Variants in PARD6G observed in about 807,000 individuals in gnomAD.
The protein encoded by PARD6G is partitioning defective 6 homolog gamma.
In PARD6G, 7 loss-of-function variants were observed where a neutral mutation model predicts 10.7. The observed-to-expected ratio is 0.66, with a 90% CI of 0.37 to 1.23. PARD6G has a LOEUF of 1.23. Among genes scored for constraint, PARD6G ranks in the 50% most tolerant of loss-of-function variants. PARD6G has a pLI of 0.02. For missense variants in PARD6G, 548 were observed against 571.8 expected (o/e 0.96, Z 0.42); for synonymous variants, 287 against 269.4 (o/e 1.07, Z -0.64).
At chr18:80,172,584 C>T (rs1311128228) in intron 2 of PARD6G, among the ~76,000 whole-genome samples, 1 of 152,116 alleles carries the variant, frequency 6.6e-6, no homozygotes, top group African/African-American at 2.4e-5. Context: ...ACGGTTTTGC[C>T]AGGTTGGCCA....
intron 2 of PARD6G, among the ~76,000 whole-genome samples, chr18:80,174,076 G>GTGA (rs1251645807): frequency 6.6e-6 from 1 of 152,178 alleles, no homozygotes; most frequent in Non-Finnish European, 1.5e-5. Flanking sequence ...TCTATAAAAT[G>GTGA]GGATGTACCA....
chr18:80,244,193 C>T (rs1967518704), intron 1 of PARD6G, among the ~76,000 whole-genome samples: 1 of 152,158 alleles, frequency 6.6e-6, no homozygotes, highest in Non-Finnish European at 1.5e-5. Flanking sequence ...TAACCCTCTG[C>T]GTAGCTCCTC....
chr18:80,170,517 C>T (rs926037884), intron 2 of PARD6G: 5 of 152,288 alleles, frequency 3.3e-5, no homozygotes, highest in African/African-American at 1.2e-4. Context: ...TTGGAGGCGA[C>T]CAGCACATTC....
intron 2 of PARD6G, among the ~76,000 whole-genome samples, chr18:80,168,616 T>C (rs1423209663): frequency 6.6e-6 from 1 of 151,654 alleles, no homozygotes; most frequent in East Asian, 1.9e-4. Flanking sequence ...TGTATGTATA[T>C]GTATAAACTT....
At chr18:80,162,918 C>G (rs1203622919) in intron 2 of PARD6G, among the ~76,000 whole-genome samples, 1 of 152,156 alleles carries the variant, frequency 6.6e-6, no homozygotes, top group African/African-American at 2.4e-5. Context: ...GGGCCTGGGA[C>G]AGAGTGGGCT....
At position 80,168,537 on chromosome 18, in the gene PARD6G, C is replaced by T. The variant is rs573088545; in HGVS notation, c.296-7931G>A. 1.2e-4 allele frequency among the ~76,000 whole-genome samples: 18 copies of T among 152,090 alleles called. No homozygotes were observed. The South Asian group carries it at 1.2e-3, about 11-fold the overall frequency. Reference sequence around the variant, plus strand: ...TTTTTTAGGCAACTGTCTAACCACCCTCTCTCCCCATATCCTGTTTTCAGT... The same window carrying T: ...TTTTTTAGGCAACTGTCTAACCACCTTCTCTCCCCATATCCTGTTTTCAGT... On this transcript the variant is annotated intron_variant, in intron 2 of 2. Coordinates refer to ENST00000353265, the MANE Select transcript of PARD6G (RefSeq NM_032510.4).
At chr18:80,238,593 G>T (rs1297184936) in intron 1 of PARD6G, among the ~76,000 whole-genome samples, 1 of 152,006 alleles carries the variant, frequency 6.6e-6, no homozygotes. Context: ...TTACCTCGGG[G>T]GTAGGTACTC....
chr18:80,165,409 C>T (rs1404788596), intron 2 of PARD6G, among the ~76,000 whole-genome samples: 6 of 152,196 alleles, frequency 3.9e-5, no homozygotes, highest in African/African-American at 1.4e-4. Context: ...CCCTTGTTCC[C>T]TAAAAATCAC....
intron 1 of PARD6G, 142 bp from the exon 2 acceptor site, chr18:80,203,074 A>G (rs1967024303): frequency 3.3e-6 from 2 of 603,384 alleles, no homozygotes; most frequent in Admixed American, 2.7e-5. Flanking sequence ...TGATAGACAC[A>G]TAAGTTGATT....
chr18:80,207,905 G>A (rs1014356367), intron 1 of PARD6G, among the ~76,000 whole-genome samples: 4 of 152,138 alleles, frequency 2.6e-5, no homozygotes, highest in African/African-American at 4.8e-5. Flanking sequence ...GTAATGGGAA[G>A]AAGAAATCAA....
At chr18:80,198,279 G>C (rs1966976407) in intron 2 of PARD6G, among the ~76,000 whole-genome samples, 1 of 152,152 alleles carries the variant, frequency 6.6e-6, no homozygotes, top group Non-Finnish European at 1.5e-5. Context: ...ATGATGCTAG[G>C]GAACACCTTT....
intron 2 of PARD6G, among the ~76,000 whole-genome samples, chr18:80,198,848 C>T (rs554339068): frequency 2.0e-5 from 3 of 152,338 alleles, no homozygotes; most frequent in Admixed American, 2.0e-4. Flanking sequence ...TCAGCCTGTC[C>T]GCCCTGGTAA....
chr18:80,198,228 G>A (rs1966975939), intron 2 of PARD6G, among the ~76,000 whole-genome samples: 1 of 152,190 alleles, frequency 6.6e-6, no homozygotes, highest in Admixed American at 6.5e-5. Flanking sequence ...TGCAAGTGGG[G>A]CTCTTAACCT....
At chr18:80,160,712 C>T (rs1483229202) in intron 2 of PARD6G, 106 bp from the exon 3 acceptor site, 2 of 1,408,856 alleles carry the variant, frequency 1.4e-6, no homozygotes, top group East Asian at 5.3e-5. Context: ...CGCCGAAGCA[C>T]CCAGGGTGCA....
intron 2 of PARD6G, among the ~76,000 whole-genome samples, chr18:80,185,171 G>A (rs1328854447): frequency 1.3e-5 from 2 of 152,148 alleles, no homozygotes; most frequent in Non-Finnish European, 2.9e-5. Flanking sequence ...ACAGTCTAAG[G>A]GGAGTTACCA....
chr18:80,173,893 T>TA (rs886499398), intron 2 of PARD6G, among the ~76,000 whole-genome samples: 15 of 152,134 alleles, frequency 9.9e-5, no homozygotes, highest in African/African-American at 3.6e-4. Context: ...GCCACTGAGT[T>TA]ATTAGTCCTG....
chr18:80,235,354 AAGC>A (rs1228021142), intron 1 of PARD6G, among the ~76,000 whole-genome samples: 4 of 152,184 alleles, frequency 2.6e-5, no homozygotes, highest in Non-Finnish European at 4.4e-5. Flanking sequence ...GACACATTCA[AAGC>A]AGTGTGTAGA....
rs529347228 is a variant in PARD6G, at chr18:80,187,544, T to C, written c.295+15166A>G. Among the ~76,000 whole-genome samples the C allele has an allele frequency of 2.0e-5, 3 of 152,296 alleles. No individual in the cohort carries two copies. The South Asian group carries it at 6.2e-4, about 32-fold the overall frequency. On this transcript the variant is annotated intron_variant, in intron 2 of 2. Coordinates refer to ENST00000353265, the MANE Select transcript of PARD6G (RefSeq NM_032510.4). ...TTGTGAATCATCGCAATTCAGGCATTGTGGGAGGGTCACGAGGAACAAAGG... is the reference window on the plus strand; with the variant it reads ...TTGTGAATCATCGCAATTCAGGCATCGTGGGAGGGTCACGAGGAACAAAGG...
rs2052699835 is a variant in PARD6G at position 80,161,374 on chromosome 18, C to T, written c.296-768G>A. 6.6e-6 allele frequency among the ~76,000 whole-genome samples: 1 copy of T among 152,172 alleles called. No homozygotes were observed. Among genetic ancestry groups the T allele is most frequent in the Non-Finnish European group, 1.5e-5 (1 of 68,038 alleles). ...ACCCTGTGGGATCCGCCTGCCCACA[C>T]CTGCCAGCCTGTGGCATGACACATT... On this transcript the variant is annotated intron_variant, in intron 2 of 2. Transcript: ENST00000353265. The surrounding 1 kb of genome is among the most constrained non-coding windows in gnomAD (Gnocchi z 4.6).
Sources: allele counts gnomAD v4.1 joint callset (sites outside exome capture counted in the v4.1 genomes callset), GRCh38; gene constraint gnomAD v4.1.1; non-coding constraint Gnocchi (gnomAD v3.1); transcripts MANE v1.5; gene names NCBI Gene and HGNC (gene_info 2026-07-23, HGNC 2026-07-21).